Variants in USP24 observed in about 807,000 individuals in gnomAD.
USP24 encodes the protein ubiquitin specific peptidase 24.
In USP24, 97 loss-of-function variants were observed where a neutral mutation model predicts 361.6. That is an observed-to-expected ratio of 0.27 (90% CI 0.23 to 0.32). The LOEUF (loss-of-function observed/expected upper bound fraction) is 0.32. Among genes scored for constraint, USP24 ranks in the 10% least tolerant of loss-of-function variants. The pLI is 1.00. For missense variants in USP24, 2,353 were observed against 3,165.6 expected, an observed-to-expected ratio of 0.74 and a Z score of 6.16; for synonymous variants, 1,098 against 1,124.6, an observed-to-expected ratio of 0.98 and a Z score of 0.47.
intron 55 of USP24, 49 bp from the exon 56 acceptor site, chr1:55,086,087 A>G (rs1320426075): frequency 1.3e-6 from 2 of 1,553,322 alleles, no homozygotes; most frequent in East Asian, 2.2e-5. Flanking sequence ...CATTTCCACA[A>G]CCTCAACCTT....
chr1:55,161,750 T>C (rs1370641497), intron 8 of USP24, among the ~76,000 whole-genome samples: 2 of 152,136 alleles, frequency 1.3e-5, no homozygotes, highest in Admixed American at 6.6e-5. Flanking sequence ...TGACTTACAA[T>C]CCTACGGAGG....
chr1:55,143,145 T>C (rs1646935483), intron 21 of USP24, 26 bp from the exon 22 acceptor site: 2 of 1,440,902 alleles, frequency 1.4e-6, no homozygotes, highest in African/African-American at 1.5e-5. Flanking sequence ...AAAATTAAAT[T>C]ATAAAGCATA....
At chr1:55,136,566 T>C (rs1327654180) in intron 28 of USP24, among the ~76,000 whole-genome samples, 2 of 152,166 alleles carry the variant, frequency 1.3e-5, no homozygotes, top group Admixed American at 6.5e-5. Flanking sequence ...TGAGGCATGG[T>C]GATTGCCTAG....
chr1:55,085,155 C>T (rs1645225238), intron 56 of USP24, among the ~76,000 whole-genome samples: 1 of 152,026 alleles, frequency 6.6e-6, no homozygotes, highest in Non-Finnish European at 1.5e-5. Context: ...ACCTCAACTT[C>T]CTAATGATTC....
chr1:55,128,918 C>T (rs756438331), intron 32 of USP24, among the ~76,000 whole-genome samples: 1 of 151,928 alleles, frequency 6.6e-6, no homozygotes, highest in Non-Finnish European at 1.5e-5. Flanking sequence ...TGAGGTCTCA[C>T]TATGTCGCCC....
At chr1:55,121,590 A>T (rs1646283190) in intron 36 of USP24, 84 bp from the exon 37 acceptor site, 2 of 1,110,412 alleles carry the variant, frequency 1.8e-6, no homozygotes, top group Middle Eastern at 2.0e-4. Context: ...CTTAAGCTCA[A>T]CTTAAGCATA....
At chr1:55,173,589 C>A (rs558403091) in intron 3 of USP24, among the ~76,000 whole-genome samples, 1 of 152,258 alleles carries the variant, frequency 6.6e-6, no homozygotes, top group South Asian at 2.1e-4. Flanking sequence ...AGGGAAAATA[C>A]TATACAACAA....
intron 10 of USP24, 68 bp from the exon 11 acceptor site, chr1:55,157,438 T>G: frequency 1.1e-6 from 1 of 910,092 alleles, no homozygotes; most frequent in Non-Finnish European, 1.6e-6. Context: ...GATAGATAGA[T>G]AATTTTTACA....
intron 38 of USP24, among the ~76,000 whole-genome samples, chr1:55,115,369 G>A (rs111236105): frequency 7.3e-5 from 11 of 150,618 alleles, no homozygotes; most frequent in South Asian, 2.1e-4. Context: ...AGTGGCGGGC[G>A]CCTGTAGTCC....
intron 1 of USP24, among the ~76,000 whole-genome samples, chr1:55,187,084 C>T (rs558139248): frequency 1.6e-4 from 25 of 152,162 alleles, no homozygotes; most frequent in African/African-American, 5.8e-4. Flanking sequence ...TGGCACTTAT[C>T]TCAGGAATCA....
chr1:55,181,802 G>A (rs999950572), intron 1 of USP24, among the ~76,000 whole-genome samples: 4 of 152,150 alleles, frequency 2.6e-5, no homozygotes, highest in African/African-American at 9.7e-5. Context: ...CCAAATCCAA[G>A]TCATCAATTG....
intron 55 of USP24, chr1:55,086,271 G>A (rs1645249544): frequency 1.8e-6 from 1 of 561,448 alleles, no homozygotes; most frequent in Admixed American, 3.0e-5. Context: ...GACTCTATGT[G>A]GCAACTATGA....
At chr1:55,202,263 C>T (rs921880601) in intron 1 of USP24, among the ~76,000 whole-genome samples, 2 of 152,056 alleles carry the variant, frequency 1.3e-5, no homozygotes, top group South Asian at 4.1e-4. Flanking sequence ...TAATACATCC[C>T]GGTTGATATT....
Position 55,215,182 on chromosome 1 carries a change from G to A in USP24, c.-69C>T. On this transcript the variant is annotated 5_prime_UTR_variant, in exon 1 of 68. Coordinates refer to ENST00000294383, the MANE Select transcript of USP24 (RefSeq NM_015306.3). ...ACGGGTCCCGGGCCTGGCGGGCCGC[G>A]CGGCGCACCCTCCGCGCCGCCTCCG... 1 of 1,177,632 alleles carries A rather than the reference G, an allele frequency of 8.5e-7. No homozygotes were observed. Among genetic ancestry groups the A allele is most frequent in the Non-Finnish European group, 1.1e-6 (1 of 946,690 alleles). The allele number at this position is 1,177,632 out of a possible 1,614,324, so 72.9% of individuals were successfully genotyped here.
At chr1:55,127,662 G>T (rs947000004) in intron 32 of USP24, among the ~76,000 whole-genome samples, 14 of 152,184 alleles carry the variant, frequency 9.2e-5, no homozygotes, top group Non-Finnish European at 1.6e-4. Flanking sequence ...CACAGTGGTT[G>T]AACTAGTTTA....
At chr1:55,212,199 A>T (rs1446885372) in intron 1 of USP24, among the ~76,000 whole-genome samples, 2 of 152,228 alleles carry the variant, frequency 1.3e-5, no homozygotes, top group Non-Finnish European at 2.9e-5. Context: ...GCTTCTTTTT[A>T]AAAAATCTGA....
rs539454094 is a variant in USP24 at position 55,205,834 on chromosome 1, T to C, written c.324+8956A>G. Among the ~76,000 whole-genome samples, 3 of 152,262 alleles carry C rather than the reference T, an allele frequency of 2.0e-5. No homozygotes were observed. In the South Asian group the frequency reaches 6.2e-4, roughly 32 times the overall value. On this transcript the variant is annotated intron_variant, in intron 1 of 67. Coordinates refer to ENST00000294383, the MANE Select transcript of USP24 (RefSeq NM_015306.3). The stretch of plus-strand genomic sequence containing the variant: ...TAGCCCCATCACCCCAAAATAACAA[T>C]ATTAATATTTTAGCACAAGCTTATT...
At chr1:55,149,366 C>T (rs1368039269) in intron 16 of USP24, among the ~76,000 whole-genome samples, 1 of 152,158 alleles carries the variant, frequency 6.6e-6, no homozygotes, top group Admixed American at 6.5e-5. Flanking sequence ...TGAGTAAAAA[C>T]TTAAGTCCTC....
chr1:55,199,639 GAC>G (rs1169231236), intron 1 of USP24, among the ~76,000 whole-genome samples: 3 of 149,408 alleles, frequency 2.0e-5, no homozygotes, highest in Non-Finnish European at 4.4e-5. Flanking sequence ...GAGAGAGACA[GAC>G]AGAGAGAGAA....
Sources: allele counts gnomAD v4.1 joint callset (sites outside exome capture counted in the v4.1 genomes callset), GRCh38; gene constraint gnomAD v4.1.1; transcripts MANE v1.5; gene names NCBI Gene and HGNC (gene_info 2026-07-23, HGNC 2026-07-21).